The following NEMP2 variants were observed in gnomAD, a reference collection of about 807,000 sequenced individuals.
NEMP2 encodes the protein nuclear envelope integral membrane protein 2, also known as UPF0571 transmembrane protein.
Under a neutral mutation model 54.2 loss-of-function variants are expected in NEMP2, and 53 were observed. The ratio of observed to expected loss-of-function variants is 0.98; its 90% CI spans 0.78 to 1.23. The LOEUF is 1.23. Ranked by LOEUF, NEMP2 falls within the 50% of genes most tolerant of loss-of-function variation. The pLI is 0.00. For synonymous variants in NEMP2, 197 were observed against 190.3 expected (o/e 1.04, Z -0.29); for missense variants, 455 against 511.3 (o/e 0.89, Z 1.06).
the NEMP2 span, among the ~76,000 whole-genome samples, chr2:190,612,398 C>T: frequency 1.3e-5 from 2 of 152,150 alleles, no homozygotes; most frequent in African/African-American, 4.8e-5. Flanking sequence ...TCGTGATCTG[C>T]CCTCCTCAGC....
the NEMP2 span, among the ~76,000 whole-genome samples, chr2:190,581,899 C>A: frequency 2.6e-5 from 4 of 152,000 alleles, no homozygotes; most frequent in Non-Finnish European, 5.9e-5. Context: ...TGAAATTGGC[C>A]ATGATGGGAG....
the NEMP2 span, chr2:190,497,827 G>A: frequency 4.9e-5 from 65 of 1,327,348 alleles, 2 homozygotes; most frequent in South Asian, 8.9e-4. This position sits in a 1 kb window ranked among gnomAD's most constrained non-coding sequence, Gnocchi z 5.2. Flanking sequence ...TTGAAAGTCT[G>A]GTGGGGGAAA....
rs549381033 is a variant in NEMP2 at position 190,511,604 on chromosome 2, G to T, written c.954-1067C>A. 8.2e-5 allele frequency among the ~76,000 whole-genome samples: 12 copies of T among 146,154 alleles called. 2 individuals are homozygous for T. The highest frequency in any genetic ancestry group is 2.8e-4 in the African/African-American group (11 of 39,298). On this transcript the variant is annotated intron_variant, in intron 7 of 8. Transcript: ENST00000409150. ...GAGTCTCGCTCTGTTGCCCAGGCTG[G>T]AGTGCCGTGGCACAATCTCAGCTCA...
intron 1 of NEMP2, among the ~76,000 whole-genome samples, chr2:190,532,479 T>C (rs1291131058): frequency 6.6e-6 from 1 of 152,186 alleles, no homozygotes; most frequent in East Asian, 1.9e-4. Flanking sequence ...ACACATGGTT[T>C]CTAGGGACCT....
the NEMP2 span, among the ~76,000 whole-genome samples, chr2:190,544,590 C>A: frequency 6.6e-6 from 1 of 151,980 alleles, no homozygotes; most frequent in East Asian, 1.9e-4. Context: ...AGCAAATATT[C>A]TTTTGACTAT....
At chr2:190,635,875 T>C in the NEMP2 span, among the ~76,000 whole-genome samples, 1 of 152,188 alleles carries the variant, frequency 6.6e-6, no homozygotes, top group African/African-American at 2.4e-5. The surrounding 1 kb of genome is among the most constrained non-coding windows in gnomAD (Gnocchi z 4.1). Flanking sequence ...TCCTATGTTG[T>C]TTGTTTTTTG....
upstream of NEMP2, among the ~76,000 whole-genome samples, chr2:190,539,217 A>G (rs1178874809): frequency 6.6e-6 from 1 of 152,082 alleles, no homozygotes; most frequent in African/African-American, 2.4e-5. This position sits in a 1 kb window ranked among gnomAD's most constrained non-coding sequence, Gnocchi z 4.1. Context: ...TCTTCTCCCC[A>G]TTGTATGTCC....
the NEMP2 span, among the ~76,000 whole-genome samples, chr2:190,546,905 GCTT>G: frequency 6.6e-6 from 1 of 152,316 alleles, no homozygotes; most frequent in East Asian, 1.9e-4. This position sits in a 1 kb window ranked among gnomAD's most constrained non-coding sequence, Gnocchi z 5.1. Context: ...GCTGTTTTCA[GCTT>G]CTTTCCACCA....
chr2:190,636,045 T>G, the NEMP2 span, among the ~76,000 whole-genome samples: 8 of 152,328 alleles, frequency 5.3e-5, no homozygotes, highest in African/African-American at 1.7e-4. Flanking sequence ...TTTTATTTTT[T>G]GTAGAGACGG....
chr2:190,459,067 C>CCA, the NEMP2 span, among the ~76,000 whole-genome samples: 1 of 152,210 alleles, frequency 6.6e-6, no homozygotes. This position sits in a 1 kb window ranked among gnomAD's most constrained non-coding sequence, Gnocchi z 5.3. Flanking sequence ...CCTTGAGTCT[C>CCA]ACCTGCAGCT....
the NEMP2 span, among the ~76,000 whole-genome samples, chr2:190,439,047 C>A: frequency 6.6e-6 from 1 of 151,994 alleles, no homozygotes; most frequent in African/African-American, 2.4e-5. The surrounding 1 kb of genome is among the most constrained non-coding windows in gnomAD (Gnocchi z 5.8). Context: ...TAAGACCATT[C>A]TGAAAGAGAG....
chr2:190,613,742 C>T, the NEMP2 span, among the ~76,000 whole-genome samples: 3 of 152,076 alleles, frequency 2.0e-5, no homozygotes, highest in African/African-American at 7.2e-5. Context: ...TGCCCACCAC[C>T]ATGCCCGGCT....
chr2:190,573,782 G>A, the NEMP2 span, among the ~76,000 whole-genome samples: 1 of 152,086 alleles, frequency 6.6e-6, no homozygotes, highest in South Asian at 2.1e-4. Flanking sequence ...GCATTTTTAT[G>A]GGTCCTTTTG....
rs1217137746 is a variant in NEMP2, at chr2:190,512,335, G to C, written c.954-1798C>G. On this transcript the variant is annotated intron_variant, in intron 7 of 8. Coordinates refer to ENST00000409150, the MANE Select transcript of NEMP2 (RefSeq NM_001142645.2). The surrounding 1 kb of genome is among the most constrained non-coding windows in gnomAD (Gnocchi z 4.5). ...TATTTTGTGTAGGGTTCTTAGCACT[G>C]TAAGTGGCCTATAGTAGGTGTTCAA... Among the ~76,000 whole-genome samples, 3 of 152,150 alleles carry C rather than the reference G, an allele frequency of 2.0e-5. No individual in the cohort carries two copies. The highest frequency in any genetic ancestry group is 4.4e-5 in the Non-Finnish European group (3 of 68,014).
intron 7 of NEMP2, among the ~76,000 whole-genome samples, chr2:190,511,436 C>T (rs959309835): frequency 6.6e-6 from 1 of 151,660 alleles, no homozygotes; most frequent in African/African-American, 2.4e-5. Flanking sequence ...CAAGAAAATC[C>T]TAAATCTCAT....
At chr2:190,471,589 G>C in the NEMP2 span, among the ~76,000 whole-genome samples, 793 of 152,264 alleles carry the variant, frequency 5.2e-3, 1 homozygote, top group Non-Finnish European at 8.3e-3. The surrounding 1 kb of genome is among the most constrained non-coding windows in gnomAD (Gnocchi z 4.7). Flanking sequence ...ACAAAGCAGC[G>C]GCTGGGAAGC....
chr2:190,434,308 T>G, the NEMP2 span, among the ~76,000 whole-genome samples: 4 of 152,226 alleles, frequency 2.6e-5, no homozygotes, highest in African/African-American at 9.6e-5. This position sits in a 1 kb window ranked among gnomAD's most constrained non-coding sequence, Gnocchi z 4.3. Context: ...CAAGACCTTT[T>G]GACACTTTAA....
At chr2:190,431,159 G>A in the NEMP2 span, among the ~76,000 whole-genome samples, 1 of 151,828 alleles carries the variant, frequency 6.6e-6, no homozygotes, top group Non-Finnish European at 1.5e-5. The surrounding 1 kb of genome is among the most constrained non-coding windows in gnomAD (Gnocchi z 4.4). Context: ...CAGCCAGGCA[G>A]AGACGCTCCT....
At chr2:190,457,237 G>A in the NEMP2 span, among the ~76,000 whole-genome samples, 1 of 152,154 alleles carries the variant, frequency 6.6e-6, no homozygotes, top group Non-Finnish European at 1.5e-5. The surrounding 1 kb of genome is among the most constrained non-coding windows in gnomAD (Gnocchi z 5.1). Flanking sequence ...CTGGCCAACC[G>A]ACTTTGTGGC....
Sources: gnomAD v4.1 joint callset for allele counts (sites outside exome capture counted in the v4.1 genomes callset) on GRCh38, gnomAD v4.1.1 for gene constraint, Gnocchi (gnomAD v3.1) non-coding constraint, MANE v1.5 for transcripts, NCBI Gene and HGNC (gene_info 2026-07-23, HGNC 2026-07-21) for gene names.